Variants in MARCHF1 observed in about 807,000 individuals in gnomAD.
The protein encoded by MARCHF1 is E3 ubiquitin-protein ligase MARCHF1.
MARCHF1 carries 40 observed loss-of-function variants against 54.2 expected under a neutral mutation model. That is an observed-to-expected ratio of 0.74 (90% CI 0.57 to 0.96). MARCHF1 has a LOEUF of 0.96. MARCHF1 is among the 40% of genes least tolerant of loss of function. The pLI, the probability that MARCHF1 is intolerant of heterozygous loss-of-function variation, is 0.00. For synonymous variants in MARCHF1, 236 were observed against 236.3 expected (o/e 1.00, Z 0.01); for missense variants, 586 against 656.5 (o/e 0.89, Z 1.17).
chr4:163,963,849 A>T (rs1752387788), intron 3 of MARCHF1, among the ~76,000 whole-genome samples: 1 of 151,990 alleles, frequency 6.6e-6, no homozygotes, highest in Non-Finnish European at 1.5e-5. Flanking sequence ...AAGTGAGTGA[A>T]GAAACAGTCA....
chr4:163,625,960 G>C lies in MARCHF1; in HGVS notation c.163-12567C>G, dbSNP rs574650662. On this transcript the variant is annotated intron_variant, in intron 5 of 9. Coordinates refer to ENST00000514618, the MANE Select transcript of MARCHF1 (RefSeq NM_001394959.1). ...TAATTTGCTAGTTGGTACATTACGA[G>C]AGCTTGGTAATTTGTTCATCCCTTT... 1.2e-4 allele frequency among the ~76,000 whole-genome samples: 18 copies of C among 152,294 alleles called. No individual in the cohort carries two copies. The South Asian group carries it at 3.7e-3, about 32-fold the overall frequency.
chr4:164,312,024 T>C (rs1734861956), intron 1 of MARCHF1, among the ~76,000 whole-genome samples: 1 of 152,188 alleles, frequency 6.6e-6, no homozygotes, highest in South Asian at 2.1e-4. Context: ...GATAATTCTC[T>C]ATGCATGTCA....
intron 8 of MARCHF1, among the ~76,000 whole-genome samples, chr4:163,574,831 G>GT (rs1739982045): frequency 6.6e-6 from 1 of 151,632 alleles, no homozygotes; most frequent in Non-Finnish European, 1.5e-5. Flanking sequence ...CTTTAAAGTA[G>GT]TTTTTTCCAA....
At chr4:164,322,093 A>G (rs115875642) in intron 1 of MARCHF1, among the ~76,000 whole-genome samples, 2,580 of 152,204 alleles carry the variant, frequency 0.017, 67 homozygotes, top group African/African-American at 0.059. Flanking sequence ...TGAGTGTTGT[A>G]GGGGTGAGGA....
At chr4:163,626,202 A>G (rs1163834691) in intron 5 of MARCHF1, among the ~76,000 whole-genome samples, 1 of 152,262 alleles carries the variant, frequency 6.6e-6, no homozygotes, top group Non-Finnish European at 1.5e-5. Context: ...TAAAGGCAGT[A>G]ATTTCAAATT....
chr4:163,706,504 CA>C (rs1442860943), intron 4 of MARCHF1, among the ~76,000 whole-genome samples: 1 of 151,822 alleles, frequency 6.6e-6, no homozygotes, highest in Non-Finnish European at 1.5e-5. Flanking sequence ...ATAACAGAAA[CA>C]AAAACCATAA....
intron 4 of MARCHF1, among the ~76,000 whole-genome samples, chr4:163,770,501 G>A (rs76306787): frequency 0.065 from 9,758 of 151,226 alleles, 722 homozygotes; most frequent in East Asian, 0.29. Flanking sequence ...ATAGTTGTTA[G>A]AATACATTTT....
At chr4:164,013,951 C>G (rs868148978) in intron 2 of MARCHF1, among the ~76,000 whole-genome samples, 1 of 151,940 alleles carries the variant, frequency 6.6e-6, no homozygotes, top group Non-Finnish European at 1.5e-5. Context: ...GATCAGGATG[C>G]AGGTGGATCA....
intron 1 of MARCHF1, among the ~76,000 whole-genome samples, chr4:164,365,066 T>C (rs1414950349): frequency 6.6e-6 from 1 of 152,032 alleles, no homozygotes; most frequent in Admixed American, 6.6e-5. Flanking sequence ...TGACATCCAG[T>C]TAACCAGGCT....
chr4:164,014,688 G>C (rs1438231221), intron 2 of MARCHF1, among the ~76,000 whole-genome samples: 1 of 152,000 alleles, frequency 6.6e-6, no homozygotes, highest in Non-Finnish European at 1.5e-5. Context: ...GAAATTAAAA[G>C]AATGGAAAAA....
intron 1 of MARCHF1, among the ~76,000 whole-genome samples, chr4:164,255,147 G>C (rs181765567): frequency 6.6e-6 from 1 of 152,112 alleles, no homozygotes; most frequent in Non-Finnish European, 1.5e-5. Context: ...ACCAATTTGA[G>C]GGTTTTTGAT....
chr4:163,575,416 T>C (rs1166162812), intron 8 of MARCHF1, among the ~76,000 whole-genome samples: 1 of 152,166 alleles, frequency 6.6e-6, no homozygotes, highest in Admixed American at 6.6e-5. Flanking sequence ...TACTTGATCA[T>C]AGTGAATTAG....
chr4:163,831,746 A>C (rs143516430), intron 4 of MARCHF1, among the ~76,000 whole-genome samples: 2,061 of 152,334 alleles, frequency 0.014, 37 homozygotes, highest in African/African-American at 0.044. Context: ...ATTGGAAGAT[A>C]ATAGAAATGG....
intron 1 of MARCHF1, among the ~76,000 whole-genome samples, chr4:164,184,768 T>A (rs1053757564): frequency 5.3e-5 from 8 of 152,206 alleles, no homozygotes; most frequent in Admixed American, 2.0e-4. Context: ...CCTGTCCTTG[T>A]AGTCTCAGCT....
chr4:163,883,841 C>T (rs181682264), intron 3 of MARCHF1, among the ~76,000 whole-genome samples: 8 of 152,000 alleles, frequency 5.3e-5, no homozygotes, highest in Non-Finnish European at 7.4e-5. Context: ...TCTTTGAGCC[C>T]GTTTCTTGCC....
chr4:163,881,142 C>T (rs916793297), intron 3 of MARCHF1, among the ~76,000 whole-genome samples: 4 of 152,190 alleles, frequency 2.6e-5, no homozygotes, highest in Non-Finnish European at 4.4e-5. Flanking sequence ...CACATTTAAA[C>T]ACAGAATTCA....
intron 1 of MARCHF1, among the ~76,000 whole-genome samples, chr4:164,379,873 T>C (rs758704063): frequency 4.6e-5 from 7 of 151,858 alleles, no homozygotes; most frequent in Non-Finnish European, 8.8e-5. Context: ...CGAGAACCAC[T>C]TGAGGCAGAG....
chr4:163,993,452 C>G (rs1347911427), intron 2 of MARCHF1, among the ~76,000 whole-genome samples: 1 of 152,026 alleles, frequency 6.6e-6, no homozygotes, highest in African/African-American at 2.4e-5. Context: ...TATAATGGAT[C>G]AGATGAATTC....
intron 5 of MARCHF1, among the ~76,000 whole-genome samples, chr4:163,698,726 G>A (rs967536594): frequency 1.3e-5 from 2 of 152,116 alleles, no homozygotes; most frequent in African/African-American, 4.8e-5. Flanking sequence ...AAAACTCAAA[G>A]AGCAGTTTAG....
Sources: allele counts gnomAD v4.1 joint callset (sites outside exome capture counted in the v4.1 genomes callset), GRCh38; gene constraint gnomAD v4.1.1; transcripts MANE v1.5; gene names NCBI Gene and HGNC (gene_info 2026-07-23, HGNC 2026-07-21).